KARS1: variants seen among roughly 807,000 people sequenced by gnomAD.
KARS1 encodes lysine--tRNA ligase.
A neutral mutation model predicts 63.9 loss-of-function variants in KARS1; 50 were observed. The observed-to-expected ratio is 0.78, with a 90% CI of 0.62 to 0.99. The LOEUF (loss-of-function observed/expected upper bound fraction) is 0.99, where lower values mean the gene tolerates loss of function less well. Ranked by LOEUF, KARS1 falls within the 50% of genes least tolerant of loss-of-function variation. KARS1 has a pLI of 0.00. For missense variants in KARS1, 816 were observed against 754.5 expected (o/e 1.08, Z -0.95); for synonymous variants, 320 against 264.6 (o/e 1.21, Z -2.03).
At position 75,644,385 on chromosome 16, in the gene KARS1, C is replaced by T. The variant is rs578202049; in HGVS notation, c.63-2662G>A. ...ACCCCACTCTGCCCAGGAGGTTTTG[C>T]GCAGGGACCCCCTAACAAGCCTTAC... On this transcript the variant is annotated intron_variant, in intron 1 of 13. Transcript: ENST00000302445. 19 of 1,612,244 alleles carry T rather than the reference C, an allele frequency of 1.2e-5. No individual in the cohort carries two copies. In the African/African-American group the frequency reaches 1.9e-4, roughly 16 times the overall value.
At position 75,647,568 on chromosome 16, in the gene KARS1, C is replaced by A. The variant is rs1338654148; in HGVS notation, c.62+10G>T. ...CCGCAAAGGCTTTAAAGACTCGCAG[C>A]GACACTCACTTCTTGCTCAGTTTCG... On this transcript the variant is annotated intron_variant, in intron 1 of 13. Coordinates refer to ENST00000302445, the MANE Select transcript of KARS1 (RefSeq NM_005548.3). 3 of 1,611,950 alleles carry A rather than the reference C, an allele frequency of 1.9e-6. No individual in the cohort carries two copies. In the East Asian group the frequency reaches 6.7e-5, roughly 36 times the overall value.
rs1384794145 is a variant in KARS1 at position 75,641,555 on chromosome 16, G to T, written c.222+9C>A. On this transcript the variant is annotated intron_variant, in intron 2 of 13. Coordinates refer to ENST00000302445, the MANE Select transcript of KARS1 (RefSeq NM_005548.3). The stretch of plus-strand genomic sequence containing the variant: ...GTGCCCAACCATGCTGGTGGCCCAG[G>T]GAACTCACATTTGGGTCCACGCTCT... 5 of 1,612,296 alleles carry T rather than the reference G, an allele frequency of 3.1e-6. No individual in the cohort carries two copies. Among genetic ancestry groups the T allele is most frequent in the Admixed American group, 1.7e-5 (1 of 59,904 alleles).
chr16:75,633,690 G>C (rs890093410), intron 7 of KARS1, among the ~76,000 whole-genome samples: 2 of 151,948 alleles, frequency 1.3e-5, no homozygotes, highest in Admixed American at 6.6e-5. Context: ...GCTAATTTTT[G>C]TATTTTTGTA....
intron 1 of KARS1, among the ~76,000 whole-genome samples, chr16:75,645,614 A>C (rs548631632): frequency 5.6e-4 from 85 of 152,162 alleles, no homozygotes; most frequent in Non-Finnish European, 1.0e-3. Flanking sequence ...TGTGGGGTTG[A>C]GGCGGACGGA....
chr16:75,636,571 C>T (rs758638213), intron 3 of KARS1, 24 bp from the exon 4 acceptor site: 4 of 1,393,942 alleles, frequency 2.9e-6, no homozygotes, highest in Admixed American at 1.7e-5. Flanking sequence ...AGCAAAAATA[C>T]TGACTGACAG....
In KARS1 at chr16:75,628,723, A is replaced by G. The variant is rs1186696625; in HGVS notation, c.1552-11T>C. On this transcript the variant is annotated splice_polypyrimidine_tract_variant and intron_variant, in intron 12 of 13. Transcript: ENST00000302445. ...ACCTGCAGCCTTGGCCTAGAAGAGG[A>G]AAGAGAACCAAAAGGTGACCTTCTT... 4 of 1,614,042 alleles carry G rather than the reference A, an allele frequency of 2.5e-6. No homozygotes were observed. The African/African-American group carries it at 5.3e-5, about 22-fold the overall frequency.
At chr16:75,644,816 C>G (rs533112735) in intron 1 of KARS1, among the ~76,000 whole-genome samples, 1 of 152,268 alleles carries the variant, frequency 6.6e-6, no homozygotes, top group East Asian at 1.9e-4. Flanking sequence ...GAGGAAATAC[C>G]TGGCCACAAG....
chr16:75,641,683 C>G lies in KARS1; in HGVS notation c.103G>C (p.Glu35Gln). The G allele has an allele frequency of 6.2e-7, 1 of 1,614,014 alleles. No individual in the cohort carries two copies. Among genetic ancestry groups the G allele is most frequent in the African/African-American group, 1.3e-5 (1 of 75,060 alleles). Residue 35 changes from glutamate to glutamine, a missense_variant, in exon 2 of 14, where the codon GAG becomes CAG. Physicochemically the swap from Glu to Gln is conservative, Grantham distance 29 (BLOSUM62 2). Transcript: ENST00000302445. ...AGCTCTTTCTGTTTGGCCTCCTTCT[C>G]TGCTACTTTCTTCTCAGCTTTCAGG... ...RRLKAEKKVA[E>Q]KEAKQKELSE...
At chr16:75,636,163 C>G in intron 4 of KARS1, 65 bp from the exon 5 acceptor site, 1 of 1,009,912 alleles carries the variant, frequency 9.9e-7, no homozygotes, top group East Asian at 2.6e-5. Flanking sequence ...CTGGTCTCCT[C>G]TGGAACCCTC....
chr16:75,647,442 C>A, intron 1 of KARS1, 136 bp downstream of exon 1: 1 of 844,514 alleles, frequency 1.2e-6, no homozygotes. Context: ...GGCGCAGCCA[C>A]CACGTCTCAG....
rs1014388215 is a variant in KARS1, at chr16:75,641,466, G to A, written c.222+98C>T. On this transcript the variant is annotated intron_variant, in intron 2 of 13. Transcript: ENST00000302445. ...CTTATCCCTGGCAGTGACCTCAGGC[G>A]TACTGGTCCCTCCTACTGTCCAGTC... 2.0e-5 allele frequency: 20 copies of A among 1,024,614 alleles called. No individual in the cohort carries two copies. The African/African-American group carries it at 2.1e-4, about 11-fold the overall frequency. The allele number at this position is 1,024,614 out of a possible 1,614,324, so 63.5% of individuals were successfully genotyped here.
At chr16:75,643,430 T>G (rs1194353719) in intron 1 of KARS1, among the ~76,000 whole-genome samples, 1 of 150,546 alleles carries the variant, frequency 6.6e-6, no homozygotes, top group Non-Finnish European at 1.5e-5. Flanking sequence ...CAGGCTGGAG[T>G]GCAGTGGTGC....
chr16:75,645,173 C>A (rs2082267408), intron 1 of KARS1, among the ~76,000 whole-genome samples: 1 of 152,044 alleles, frequency 6.6e-6, no homozygotes, highest in Middle Eastern at 3.2e-3. Flanking sequence ...AAGGAATTCC[C>A]CAGAACAATA....
intron 1 of KARS1, 76 bp downstream of exon 1, chr16:75,647,502 T>C (rs1394581967): frequency 2.9e-6 from 4 of 1,370,998 alleles, no homozygotes; most frequent in East Asian, 4.9e-5. Flanking sequence ...ACAGCAGCCT[T>C]GGTGGGAACC....
intron 4 of KARS1, 60 bp from the exon 5 acceptor site, chr16:75,636,158 C>T (rs1597169679): frequency 3.8e-6 from 4 of 1,066,592 alleles, no homozygotes; most frequent in South Asian, 2.6e-5. Flanking sequence ...GACCACTGGT[C>T]TCCTCTGGAA....
At chr16:75,646,925 G>A (rs763185898) in intron 1 of KARS1, among the ~76,000 whole-genome samples, 3 of 152,148 alleles carry the variant, frequency 2.0e-5, no homozygotes, top group African/African-American at 4.8e-5. Flanking sequence ...ATATAAGACA[G>A]CCAGTTAAAG....
intron 11 of KARS1, 32 bp from the exon 12 acceptor site, chr16:75,629,573 T>C: frequency 6.2e-7 from 1 of 1,612,852 alleles, no homozygotes; most frequent in Non-Finnish European, 8.5e-7. Flanking sequence ...GGAGGCTGAA[T>C]ATAGAGGCCC....
chr16:75,643,939 T>C (rs770144029), intron 1 of KARS1, among the ~76,000 whole-genome samples: 1 of 152,182 alleles, frequency 6.6e-6, no homozygotes, highest in Non-Finnish European at 1.5e-5. Flanking sequence ...AAAAAGGTCC[T>C]AGGGATAGCA....
rs939943365 is a variant in KARS1, at chr16:75,629,661, G to A, written c.1425-120C>T. 24 of 1,074,002 alleles carry A rather than the reference G, an allele frequency of 2.2e-5. No homozygotes were observed. In the East Asian group the frequency reaches 5.8e-4, roughly 26 times the overall value. 66.5% of individuals were successfully genotyped at this position (1,074,002 alleles called of 1,614,324 possible). A position where few individuals can be genotyped will look rare whatever the true frequency, so the allele number is the denominator to read the frequency against. ...GTCACGCAGGCTGGAGTGCAGTGGT[G>A]TGATCTCGGCTCACTGCAACCTCTG... is the stretch of plus-strand genomic sequence containing the variant. On this transcript the variant is annotated intron_variant, in intron 11 of 13. Transcript: ENST00000302445.
Sources: gnomAD v4.1 joint callset for allele counts (sites outside exome capture counted in the v4.1 genomes callset) on GRCh38, gnomAD v4.1.1 for gene constraint, MANE v1.5 for transcripts, NCBI Gene and HGNC (gene_info 2026-07-23, HGNC 2026-07-21) for gene names.